Variants in SH3PXD2A observed in about 807,000 individuals in gnomAD.
SH3PXD2A encodes the protein SH3 and PX domain-containing protein 2A.
SH3PXD2A carries 32 observed loss-of-function variants against 115.2 expected under a neutral mutation model. That is an observed-to-expected ratio of 0.28 (90% confidence interval 0.21 to 0.37). The LOEUF (loss-of-function observed/expected upper bound fraction) is 0.37. Among genes scored for constraint, SH3PXD2A ranks in the 10% least tolerant of loss-of-function variants. SH3PXD2A has a pLI of 1.00. For synonymous variants in SH3PXD2A, 610 were observed against 629.1 expected, an observed-to-expected ratio of 0.97 and a Z score of 0.45; for missense variants, 1,328 against 1,498.7, an observed-to-expected ratio of 0.89 and a Z score of 1.88.
chr10:103,629,870 C>G (rs952430991), intron 8 of SH3PXD2A, among the ~76,000 whole-genome samples: 3 of 152,194 alleles, frequency 2.0e-5, no homozygotes, highest in African/African-American at 7.2e-5. Context: ...TAGGCCTGTC[C>G]CCCTGGGGAG....
rs1491267128 is a variant in SH3PXD2A, at chr10:103,608,151, A to AAAAAAAAAAAAAAAAAGTTTAC, written c.1309-2235_1309-2234insGTAAACTTTTTTTTTTTTTTTT. ...AGAAACACCCAAGAATGATCAATTTAAAAAAAAAAAAAAAAAAAAGAACAC... is the reference window on the plus strand; with the variant it reads ...AGAAACACCCAAGAATGATCAATTTAAAAAAAAAAAAAAAAAGTTTACAAAAAAAAAAAAAAAAAAAGAACAC... On this transcript the variant is annotated intron_variant, in intron 13 of 14. Transcript: ENST00000369774. Among the ~76,000 whole-genome samples, 82 of 71,304 alleles carry AAAAAAAAAAAAAAAAAGTTTAC rather than the reference A, an allele frequency of 1.2e-3. 5 individuals carry two copies. Among genetic ancestry groups the AAAAAAAAAAAAAAAAAGTTTAC allele is most frequent in the Non-Finnish European group, 1.1e-3 (42 of 37,102 alleles). 46.8% of individuals were successfully genotyped at this position (71,304 alleles called of 152,430 possible). A position where few individuals can be genotyped will look rare whatever the true frequency, so the allele number is the denominator to read the frequency against.
intron 1 of SH3PXD2A, among the ~76,000 whole-genome samples, chr10:103,802,902 A>G (rs113387394): frequency 0.029 from 4,384 of 152,202 alleles, 200 homozygotes; most frequent in African/African-American, 0.096. Context: ...GGGGGACTCT[A>G]CCCTAAGAAT....
Position 103,601,750 on chromosome 10 carries a change from G to T in SH3PXD2A, c.*66C>A. 1.3e-6 allele frequency: 1 copy of T among 741,238 alleles called. No individual in the cohort carries two copies. The highest frequency in any genetic ancestry group is 3.1e-5 in the East Asian group (1 of 32,402). The allele number at this position is 741,238 out of a possible 1,614,324, so 45.9% of individuals were successfully genotyped here. A position where few individuals can be genotyped will look rare whatever the true frequency, so the allele number is the denominator to read the frequency against. ...CCATTTTTTCCTTTCCCTTTTGTTC[G>T]TCTCACCGCTCATCCAGTGGGCGGC... On this transcript the variant is annotated 3_prime_UTR_variant, in exon 15 of 15. Coordinates refer to ENST00000369774, the MANE Select transcript of SH3PXD2A (RefSeq NM_001394015.1).
intron 9 of SH3PXD2A, among the ~76,000 whole-genome samples, chr10:103,625,328 T>C (rs1035537485): frequency 1.3e-5 from 2 of 152,224 alleles, no homozygotes; most frequent in African/African-American, 4.8e-5. Flanking sequence ...ATACACGCAC[T>C]GCCCTAGAGC....
chr10:103,755,225 T>A (rs1415902942), intron 3 of SH3PXD2A: 1 of 152,154 alleles, frequency 6.6e-6, no homozygotes, highest in Non-Finnish European at 1.5e-5. Flanking sequence ...CAGCTCACAA[T>A]TTTGTTAGGG....
At chr10:103,729,538 G>A (rs1451235769) in intron 4 of SH3PXD2A, among the ~76,000 whole-genome samples, 1 of 152,246 alleles carries the variant, frequency 6.6e-6, no homozygotes, top group Non-Finnish European at 1.5e-5. Context: ...AAATGAGTAC[G>A]ACTTTCTAGC....
chr10:103,783,873 G>A (rs749958835), intron 2 of SH3PXD2A, among the ~76,000 whole-genome samples: 1 of 152,236 alleles, frequency 6.6e-6, no homozygotes, highest in Non-Finnish European at 1.5e-5. Flanking sequence ...AGCAGCCCCC[G>A]CAGTGAGGCG....
At chr10:103,711,491 C>T (rs900119051) in intron 5 of SH3PXD2A, among the ~76,000 whole-genome samples, 5 of 152,212 alleles carry the variant, frequency 3.3e-5, no homozygotes, top group Non-Finnish European at 7.3e-5. Flanking sequence ...GAGATGAACA[C>T]CCTCCCCCTT....
chr10:103,705,748 G>A (rs1343756152), intron 5 of SH3PXD2A, among the ~76,000 whole-genome samples: 3 of 152,166 alleles, frequency 2.0e-5, no homozygotes, highest in African/African-American at 7.2e-5. Flanking sequence ...AGTAGGTGGT[G>A]AAGAGAAAGG....
intron 2 of SH3PXD2A, among the ~76,000 whole-genome samples, chr10:103,779,465 G>A (rs1303188417): frequency 6.6e-6 from 1 of 152,172 alleles, no homozygotes; most frequent in African/African-American, 2.4e-5. Flanking sequence ...GGGGGAGCCT[G>A]GTGCTGGAGC....
intron 6 of SH3PXD2A, among the ~76,000 whole-genome samples, chr10:103,684,483 C>T (rs1392223303): frequency 6.6e-6 from 1 of 151,990 alleles, no homozygotes; most frequent in African/African-American, 2.4e-5. Flanking sequence ...CTCAGCCTCC[C>T]GAGTAGCTGG....
intron 5 of SH3PXD2A, among the ~76,000 whole-genome samples, chr10:103,722,917 C>T (rs1293264254): frequency 6.6e-6 from 1 of 152,194 alleles, no homozygotes; most frequent in African/African-American, 2.4e-5. Context: ...GCCAGGTGGG[C>T]CTCGGAGCTG....
Position 103,602,961 on chromosome 10 carries a change from TG to T in SH3PXD2A, c.2256del (p.Lys753SerfsTer10). On this transcript the variant is annotated frameshift_variant, in exon 15 of 15. Transcript: ENST00000369774. LOFTEE classifies it high-confidence loss of function. ...ANAGLTSCPRAKPSVRPKPFL... is the reference protein window; with the variant it reads ...ANAGLTSCPRXKPSVRPKPFL... Reference sequence around the variant, plus strand: ...AATGGCTTGGGCCGGACCGATGGCTTGGCCCGGGGACAGGAGGTCAGCCCAG... The same window carrying T: ...AATGGCTTGGGCCGGACCGATGGCTTGCCCGGGGACAGGAGGTCAGCCCAG... 6.2e-7 allele frequency: 1 copy of T among 1,614,222 alleles called. No homozygotes were observed. Among genetic ancestry groups the T allele is most frequent in the Non-Finnish European group, 8.5e-7 (1 of 1,180,038 alleles).
Position 103,603,260 on chromosome 10 carries a change from G to A in SH3PXD2A, c.1958C>T (p.Thr653Ile). 1 of 1,614,082 alleles carries A rather than the reference G, an allele frequency of 6.2e-7. No homozygotes were observed. The highest frequency in any genetic ancestry group is 8.5e-7 in the Non-Finnish European group (1 of 1,180,018). The change falls in exon 15 of 15, where the codon ACC becomes ATC. Residue 653 changes from threonine (T) to isoleucine (I), a missense_variant. By Grantham distance (89) the Thr-to-Ile change is moderately conservative. Coordinates refer to ENST00000369774, the MANE Select transcript of SH3PXD2A (RefSeq NM_001394015.1). ...DSPGSSSLSLTRKNSPKSGSP... is the reference protein window; with the variant it reads ...DSPGSSSLSLIRKNSPKSGSP... ...GCCTGATTTGGGGGAGTTTTTCCTG[G>A]TCAGGGACAGCGAGGAGCTGCCTGG...
chr10:103,736,439 C>G (rs977117658), intron 3 of SH3PXD2A, among the ~76,000 whole-genome samples: 1 of 152,276 alleles, frequency 6.6e-6, no homozygotes, highest in African/African-American at 2.4e-5. Flanking sequence ...CCCCTCAGAC[C>G]TTCCCAGCTG....
Position 103,666,929 on chromosome 10 carries a change from C to T in SH3PXD2A, c.472+1679G>A, listed in dbSNP as rs1231698895. 6.6e-6 allele frequency among the ~76,000 whole-genome samples: 1 copy of T among 152,166 alleles called. No homozygotes were observed. The highest frequency in any genetic ancestry group is 1.5e-5 in the Non-Finnish European group (1 of 68,022). ...GGGGCTGTGTCCCTGCAACATGCCC[C>T]TCCCAGACCCTACCTTCAGCAGGTA... On this transcript the variant is annotated intron_variant, in intron 7 of 14. Coordinates refer to ENST00000369774, the MANE Select transcript of SH3PXD2A (RefSeq NM_001394015.1). This position sits in a 1 kb window ranked among gnomAD's most constrained non-coding sequence, Gnocchi z 4.5.
At chr10:103,608,987 T>TACAC (rs147633138) in intron 13 of SH3PXD2A, 2 of 150,802 alleles carry the variant, frequency 1.3e-5, no homozygotes, top group African/African-American at 2.4e-5. Context: ...CACACACACA[T>TACAC]ACACACACAC....
intron 8 of SH3PXD2A, among the ~76,000 whole-genome samples, chr10:103,649,400 A>G (rs1384559008): frequency 6.6e-6 from 1 of 152,206 alleles, no homozygotes; most frequent in African/African-American, 2.4e-5. Flanking sequence ...TCTTACGCAA[A>G]GCCTGGCCTT....
At chr10:103,787,498 G>A (rs1301687913) in intron 2 of SH3PXD2A, among the ~76,000 whole-genome samples, 1 of 152,170 alleles carries the variant, frequency 6.6e-6, no homozygotes, top group Non-Finnish European at 1.5e-5. Flanking sequence ...TGGAGTGGGG[G>A]CAGGCACACA....
Sources: gnomAD v4.1 joint callset for allele counts (sites outside exome capture counted in the v4.1 genomes callset) on GRCh38, gnomAD v4.1.1 for gene constraint, Gnocchi (gnomAD v3.1) non-coding constraint, MANE v1.5 for transcripts, NCBI Gene and HGNC (gene_info 2026-07-23, HGNC 2026-07-21) for gene names.